The following KCNN2 variants were observed in gnomAD, a reference collection of about 807,000 sequenced individuals.
KCNN2 encodes the protein small conductance calcium-activated potassium channel protein 2.
KCNN2 carries 24 observed loss-of-function variants against 55.5 expected under a neutral mutation model. That is an observed-to-expected ratio of 0.43 (90% CI 0.31 to 0.61). The LOEUF is 0.61. KCNN2 is among the 20% of genes least tolerant of loss of function. The pLI, the probability that KCNN2 is intolerant of heterozygous loss-of-function variation, is 0.08. For synonymous variants in KCNN2, 431 were observed against 336.1 expected, an observed-to-expected ratio of 1.28 and a Z score of -3.09; for missense variants, 754 against 853.6, an observed-to-expected ratio of 0.88 and a Z score of 1.45.
intron 2 of KCNN2, among the ~76,000 whole-genome samples, chr5:114,369,155 C>T (rs1400126835): frequency 6.6e-6 from 1 of 152,144 alleles, no homozygotes; most frequent in Non-Finnish European, 1.5e-5. Context: ...TATGTCTCTG[C>T]TTTCTCACAC....
chr5:114,112,172 T>C (rs1424968100), intron 1 of KCNN2, among the ~76,000 whole-genome samples: 4 of 152,194 alleles, frequency 2.6e-5, no homozygotes, highest in African/African-American at 9.7e-5. Context: ...GTTCATGTCC[T>C]TTGTAGGGAC....
intron 2 of KCNN2, among the ~76,000 whole-genome samples, chr5:114,268,173 C>T (rs1755249618): frequency 6.6e-6 from 1 of 152,214 alleles, no homozygotes; most frequent in South Asian, 2.1e-4. Flanking sequence ...GAGGACAACA[C>T]AAAGAACTGA....
Position 114,451,758 on chromosome 5 carries a change from A to G in KCNN2, c.1638-11291A>G, listed in dbSNP as rs375180434. 3.4e-4 allele frequency among the ~76,000 whole-genome samples: 52 copies of G among 151,478 alleles called. 2 individuals are homozygous for G. In the South Asian group the frequency reaches 5.4e-3, roughly 16 times the overall value. On this transcript the variant is annotated intron_variant, in intron 3 of 7. Coordinates refer to ENST00000673685, the MANE Select transcript of KCNN2 (RefSeq NM_021614.4). ...AAAAATACAAAAAAATTAGCCAGGCATGGTAGCGGGTGCCTGTAGTCTCAG... is the reference window on the plus strand; with the variant it reads ...AAAAATACAAAAAAATTAGCCAGGCGTGGTAGCGGGTGCCTGTAGTCTCAG...
At chr5:114,288,853 C>G (rs1321214762) in intron 2 of KCNN2, among the ~76,000 whole-genome samples, 1 of 152,010 alleles carries the variant, frequency 6.6e-6, no homozygotes, top group Non-Finnish European at 1.5e-5. Context: ...ACACACAAGA[C>G]TTTTTAAATT....
chr5:114,085,137 G>T (rs1490099951), intron 1 of KCNN2, among the ~76,000 whole-genome samples: 1 of 151,832 alleles, frequency 6.6e-6, no homozygotes, highest in African/African-American at 2.4e-5. Flanking sequence ...AAGTTTTGAA[G>T]TCAGATAGTG....
At chr5:114,269,255 G>T (rs1755272340) in intron 2 of KCNN2, among the ~76,000 whole-genome samples, 1 of 151,998 alleles carries the variant, frequency 6.6e-6, no homozygotes, top group South Asian at 2.1e-4. Flanking sequence ...TTGACTGTTG[G>T]ACCTAAAGCT....
intron 2 of KCNN2, among the ~76,000 whole-genome samples, chr5:114,387,671 G>A (rs1758325830): frequency 6.6e-6 from 1 of 152,098 alleles, no homozygotes; most frequent in South Asian, 2.1e-4. Context: ...TTCTTTTGTA[G>A]CTTCTTCATT....
intron 3 of KCNN2, among the ~76,000 whole-genome samples, chr5:114,410,214 G>A (rs182102497): frequency 2.6e-4 from 39 of 152,280 alleles, no homozygotes; most frequent in African/African-American, 9.1e-4. Flanking sequence ...GGGTCCTGAA[G>A]ATTGGGAATT....
At position 114,271,185 on chromosome 5, in the gene KCNN2, C is replaced by G. The variant is rs369790853; in HGVS notation, c.-185+49620C>G. Among the ~76,000 whole-genome samples, 6 of 151,984 alleles carry G rather than the reference C, an allele frequency of 3.9e-5. No homozygotes were observed. In the East Asian group the frequency reaches 9.7e-4, roughly 25 times the overall value. ...GGTCTGCTTTTACAGAGTGCTGATT[C>G]GTGCGTTTACAAACCTTTAGCTAGA... On this transcript the variant is annotated intron_variant, in intron 2 of 10. Coordinates refer to the KCNN2 transcript ENST00000512097.
intron 2 of KCNN2, among the ~76,000 whole-genome samples, chr5:114,339,553 A>C (rs961024525): frequency 1.3e-5 from 2 of 152,174 alleles, no homozygotes; most frequent in African/African-American, 4.8e-5. Flanking sequence ...TTGTAATCCC[A>C]GCACTTTGGG....
In KCNN2 at chr5:114,350,956, A is replaced by G. The variant is rs574306014; in HGVS notation, c.-184-9989A>G. On this transcript the variant is annotated intron_variant, in intron 2 of 10. Coordinates refer to the KCNN2 transcript ENST00000512097. ...TCTTGGCTATTTGCATTTCTATATG[A>G]ATGTTAGGGTCAGTTTGCCAATTTC... Among the ~76,000 whole-genome samples the G allele has an allele frequency of 2.0e-5, 3 of 151,916 alleles. No individual in the cohort carries two copies. The East Asian group carries it at 5.8e-4, about 29-fold the overall frequency.
intron 2 of KCNN2, among the ~76,000 whole-genome samples, chr5:114,269,532 A>G (rs751236540): frequency 3.4e-5 from 5 of 148,760 alleles, no homozygotes; most frequent in African/African-American, 7.5e-5. Context: ...GGGGAATATC[A>G]TAGACCGACT....
intron 2 of KCNN2, among the ~76,000 whole-genome samples, chr5:114,348,942 T>G (rs1471874302): frequency 6.6e-6 from 1 of 152,134 alleles, no homozygotes; most frequent in Admixed American, 6.6e-5. Flanking sequence ...CCATTTAAAG[T>G]GTATAAATCA....
chr5:114,110,407 C>T lies in KCNN2; in HGVS notation c.-271+53907C>T, dbSNP rs192887589. ...ACCAGCTCAGGTGAATCCTGGAGAA[C>T]GTGGGGCTCATAAATTCATAAATTT... On this transcript the variant is annotated intron_variant, in intron 1 of 10. Transcript: ENST00000512097. Among the ~76,000 whole-genome samples the T allele has an allele frequency of 3.8e-3, 579 of 152,076 alleles. 2 individuals carry two copies. The highest frequency in any genetic ancestry group is 6.7e-3 in the Non-Finnish European group (456 of 67,960).
In KCNN2 at chr5:114,363,955, T is replaced by C. The variant is rs1757528280; in HGVS notation, c.1172T>C (p.Ile391Thr). 7 of 1,614,100 alleles carry C rather than the reference T, an allele frequency of 4.3e-6. 1 individual carries two copies. The East Asian group carries it at 1.3e-4, about 31-fold the overall frequency. ...ALKCLISLSTIILLGLIIVYH... is the reference protein window; with the variant it reads ...ALKCLISLSTTILLGLIIVYH... ...AAATGCCTTATCAGTCTCTCCACGA[T>C]CATCCTGCTCGGTCTGATCATCGTG... is the stretch of plus-strand genomic sequence containing the variant. The change falls in exon 2 of 8, where the codon ATC becomes ACC. Residue 391 changes from isoleucine (I) to threonine (T), a missense_variant. Physicochemically the swap from Ile to Thr is moderately conservative, Grantham distance 89 (BLOSUM62 -1). This residue lies in a region of KCNN2 where 123 missense variants were observed against 204.9 expected (regional missense o/e 0.60). Transcript: ENST00000673685.
chr5:114,345,658 TAAAG>T (rs1302736403), intron 2 of KCNN2, among the ~76,000 whole-genome samples: 2 of 152,220 alleles, frequency 1.3e-5, no homozygotes, highest in Admixed American at 6.5e-5. Flanking sequence ...TGCATTGTTA[TAAAG>T]AAATAACTGA....
At chr5:114,170,302 G>C (rs1390454544) in intron 1 of KCNN2, among the ~76,000 whole-genome samples, 1 of 152,004 alleles carries the variant, frequency 6.6e-6, no homozygotes, top group East Asian at 1.9e-4. Flanking sequence ...ACAACTAAAT[G>C]ATTTTTAAGG....
chr5:114,436,945 A>G (rs566134084), intron 3 of KCNN2, among the ~76,000 whole-genome samples: 1 of 152,302 alleles, frequency 6.6e-6, no homozygotes, highest in South Asian at 2.1e-4. Flanking sequence ...CTTAAATGTA[A>G]GTAGCACTTT....
At chr5:114,440,947 AG>A (rs2150094554) in intron 3 of KCNN2, among the ~76,000 whole-genome samples, 1 of 152,280 alleles carries the variant, frequency 6.6e-6, no homozygotes, top group South Asian at 2.1e-4. Context: ...AGCTTACAAG[AG>A]TTATAGCTAA....
Sources: allele counts gnomAD v4.1 joint callset (sites outside exome capture counted in the v4.1 genomes callset), GRCh38; gene constraint gnomAD v4.1.1; regional missense constraint gnomAD v4.1.1; transcripts MANE v1.5; gene names NCBI Gene and HGNC (gene_info 2026-07-23, HGNC 2026-07-21).